KCNQ5: variants seen among roughly 807,000 people sequenced by gnomAD.
KCNQ5 encodes the protein potassium voltage-gated channel subfamily Q member 5.
KCNQ5 carries 30 observed loss-of-function variants against 98.2 expected under a neutral mutation model. That is an observed-to-expected ratio of 0.31 (90% CI 0.23 to 0.41). The LOEUF (loss-of-function observed/expected upper bound fraction) is 0.41. Among genes scored for constraint, KCNQ5 ranks in the 10% least tolerant of loss-of-function variants. The probability of loss-of-function intolerance (pLI) is 1.00; values close to 1 mark genes in which losing one functional copy is unlikely to be tolerated. For missense variants in KCNQ5, 835 were observed against 1,182.5 expected, an observed-to-expected ratio of 0.71 and a Z score of 4.31; for synonymous variants, 458 against 449.4, an observed-to-expected ratio of 1.02 and a Z score of -0.24.
At chr6:72,895,562 A>G (rs1355564459) in intron 1 of KCNQ5, among the ~76,000 whole-genome samples, 1 of 151,382 alleles carries the variant, frequency 6.6e-6, no homozygotes, top group African/African-American at 2.4e-5. Flanking sequence ...AACGTTAAGT[A>G]ACACTTTGAA....
intron 1 of KCNQ5, among the ~76,000 whole-genome samples, chr6:72,921,037 ACAAAGCCCT>A (rs1294383885): frequency 1.3e-5 from 2 of 152,162 alleles, no homozygotes; most frequent in Non-Finnish European, 2.9e-5. Flanking sequence ...GAATAGTGAA[ACAAAGCCCT>A]GCCAGAAAGG....
intron 12 of KCNQ5, among the ~76,000 whole-genome samples, chr6:73,191,829 G>A (rs1765601684): frequency 6.6e-6 from 1 of 152,120 alleles, no homozygotes; most frequent in South Asian, 2.1e-4. Context: ...TTTCTCTTCA[G>A]ACAAAGTAAA....
intron 1 of KCNQ5, among the ~76,000 whole-genome samples, chr6:72,771,060 G>T (rs766156361): frequency 3.2e-4 from 48 of 152,142 alleles, no homozygotes; most frequent in Admixed American, 3.3e-4. Flanking sequence ...ACTGAAAGAA[G>T]TTGTTGCACA....
intron 8 of KCNQ5, among the ~76,000 whole-genome samples, chr6:73,122,096 G>C (rs943294980): frequency 1.3e-5 from 2 of 152,130 alleles, no homozygotes; most frequent in Admixed American, 6.5e-5. Context: ...TCAACATTTT[G>C]ATATTAAAAA....
chr6:72,749,031 A>C (rs1771546355), intron 1 of KCNQ5, among the ~76,000 whole-genome samples: 1 of 152,138 alleles, frequency 6.6e-6, no homozygotes, highest in African/African-American at 2.4e-5. Context: ...CCATGACTCA[A>C]CTTTCTTGAA....
chr6:73,154,566 C>T (rs1192536556), intron 10 of KCNQ5, among the ~76,000 whole-genome samples: 4 of 152,026 alleles, frequency 2.6e-5, no homozygotes, highest in African/African-American at 7.2e-5. Flanking sequence ...ATCCCTCTTC[C>T]TTTTGTACCA....
At chr6:72,957,403 T>A (rs1767135499) in intron 1 of KCNQ5, among the ~76,000 whole-genome samples, 1 of 151,988 alleles carries the variant, frequency 6.6e-6, no homozygotes, top group Non-Finnish European at 1.5e-5. Context: ...ACTCTTGAGC[T>A]CAAATGATCT....
chr6:72,930,579 C>CAAAAA (rs5877339), intron 1 of KCNQ5, among the ~76,000 whole-genome samples: 37 of 94,162 alleles, frequency 3.9e-4, no homozygotes, highest in African/African-American at 1.2e-3. Flanking sequence ...GACATTTTAC[C>CAAAAA]AAAAAAAAAA....
intron 3 of KCNQ5, among the ~76,000 whole-genome samples, 159 bp from the exon 4 acceptor site, chr6:73,077,163 A>G (rs182049908): frequency 4.6e-5 from 7 of 152,350 alleles, no homozygotes; most frequent in African/African-American, 9.6e-5. Flanking sequence ...CAGTCTTCGG[A>G]AATGCCACAG....
Position 72,777,031 on chromosome 6 carries a change from A to G in KCNQ5, c.398+154444A>G, listed in dbSNP as rs555365108. On this transcript the variant is annotated intron_variant, in intron 1 of 13. Coordinates refer to ENST00000370398, the MANE Select transcript of KCNQ5 (RefSeq NM_019842.4). The stretch of plus-strand genomic sequence containing the variant: ...AGCCAGAGGTAAAAGAGGGAAAGGG[A>G]AATAATGTGTTGTGAAGAGCTCCAT... Among the ~76,000 whole-genome samples the G allele has an allele frequency of 1.2e-4, 19 of 152,252 alleles. No homozygotes were observed. In the South Asian group the frequency reaches 3.9e-3, roughly 32 times the overall value.
chr6:73,051,350 T>G (rs931878226), intron 3 of KCNQ5, among the ~76,000 whole-genome samples: 1 of 152,182 alleles, frequency 6.6e-6, no homozygotes, highest in Non-Finnish European at 1.5e-5. Flanking sequence ...CCCCAGTTGA[T>G]GAGCATTCAC....
At chr6:73,064,255 C>T (rs756748691) in intron 3 of KCNQ5, among the ~76,000 whole-genome samples, 3 of 152,094 alleles carry the variant, frequency 2.0e-5, no homozygotes, top group Non-Finnish European at 4.4e-5. Context: ...ATTACATATC[C>T]CAACACTACT....
intron 1 of KCNQ5, among the ~76,000 whole-genome samples, chr6:72,970,846 A>T (rs1473874591): frequency 6.6e-6 from 1 of 152,202 alleles, no homozygotes; most frequent in African/African-American, 2.4e-5. Flanking sequence ...ACAAAAATTA[A>T]TTCAAGATGG....
chr6:73,045,621 A>G (rs749645260), intron 3 of KCNQ5, among the ~76,000 whole-genome samples: 40 of 152,234 alleles, frequency 2.6e-4, no homozygotes, highest in Non-Finnish European at 5.1e-4. Flanking sequence ...ATCGGCATAA[A>G]GAATTTGTGA....
intron 1 of KCNQ5, among the ~76,000 whole-genome samples, chr6:72,909,523 T>C (rs1014132526): frequency 6.6e-6 from 1 of 152,182 alleles, no homozygotes; most frequent in Admixed American, 6.5e-5. Flanking sequence ...GTAATGTTTG[T>C]AGTGGTTTAG....
chr6:72,821,725 T>G (rs948821974), intron 1 of KCNQ5, among the ~76,000 whole-genome samples: 3 of 152,134 alleles, frequency 2.0e-5, no homozygotes, highest in Non-Finnish European at 2.9e-5. Flanking sequence ...CTGCTTTTAT[T>G]GAAAAACAAT....
chr6:73,133,629 C>G lies in KCNQ5; in HGVS notation c.1456C>G (p.Pro486Ala). 1 of 1,614,134 alleles carries G rather than the reference C, an allele frequency of 6.2e-7. No individual in the cohort carries two copies. The highest frequency in any genetic ancestry group is 8.5e-7 in the Non-Finnish European group (1 of 1,180,002). The stretch of plus-strand genomic sequence containing the variant: ...GCGCCTCAAAAGTTCTCAGCCAAAA[C>G]CAGTGATAGATGGTAAGCCCTGTTT... ...SLRLKSSQPKPVIDADTALGT... is the reference protein window; with the variant it reads ...SLRLKSSQPKAVIDADTALGT... Residue 486 changes from proline (P) to alanine (A), a missense_variant, in exon 10 of 14, where the codon CCA becomes GCA. By Grantham distance (27) the Pro-to-Ala change is conservative (BLOSUM62 -1). Coordinates refer to ENST00000370398, the MANE Select transcript of KCNQ5 (RefSeq NM_019842.4).
chr6:73,178,198 T>C (rs1287192738), intron 11 of KCNQ5, among the ~76,000 whole-genome samples: 1 of 151,922 alleles, frequency 6.6e-6, no homozygotes, highest in Non-Finnish European at 1.5e-5. Flanking sequence ...GCCATATCAA[T>C]GCTTACAAAT....
intron 1 of KCNQ5, among the ~76,000 whole-genome samples, chr6:72,918,819 CA>C (rs761229345): frequency 5.4e-4 from 82 of 152,208 alleles, no homozygotes; most frequent in Non-Finnish European, 7.8e-4. Context: ...TAAAATCATG[CA>C]AACAAGCTGA....
Sources: allele counts gnomAD v4.1 joint callset (sites outside exome capture counted in the v4.1 genomes callset), GRCh38; gene constraint gnomAD v4.1.1; transcripts MANE v1.5; gene names NCBI Gene and HGNC (gene_info 2026-07-23, HGNC 2026-07-21).